KALRN: variants seen among roughly 807,000 people sequenced by gnomAD.
The protein encoded by KALRN is kalirin RhoGEF kinase.
A neutral mutation model predicts 353.7 loss-of-function variants in KALRN; 70 were observed. The ratio of observed to expected loss-of-function variants is 0.20; its 90% CI spans 0.16 to 0.24. KALRN has a LOEUF of 0.24. Ranked by LOEUF, KALRN falls within the 10% of genes least tolerant of loss-of-function variation. The pLI, the probability that KALRN is intolerant of heterozygous loss-of-function variation, is 1.00. For missense variants in KALRN, 2,791 were observed against 3,756.7 expected (o/e 0.74, Z 6.72); for synonymous variants, 1,391 against 1,434.8 (o/e 0.97, Z 0.69).
chr3:124,696,448 TAG>T (rs1172990804), intron 54 of KALRN, among the ~76,000 whole-genome samples, 193 bp downstream of exon 54: 1 of 152,212 alleles, frequency 6.6e-6, no homozygotes, highest in Non-Finnish European at 1.5e-5. Context: ...GCATTTTTTG[TAG>T]AGATGGGATT....
intron 1 of KALRN, among the ~76,000 whole-genome samples, chr3:124,206,608 G>A (rs575464940): frequency 6.6e-6 from 1 of 152,250 alleles, no homozygotes; most frequent in South Asian, 2.1e-4. Context: ...GGTTTTCTGG[G>A]TAGTGTTGCA....
At chr3:124,443,176 T>C (rs1484709539) in intron 19 of KALRN, among the ~76,000 whole-genome samples, 2 of 152,222 alleles carry the variant, frequency 1.3e-5, no homozygotes, top group Non-Finnish European at 2.9e-5. Context: ...AAAAATTGCC[T>C]ATTATCTGAC....
At chr3:124,213,981 C>T (rs2077102135) in intron 1 of KALRN, among the ~76,000 whole-genome samples, 1 of 152,106 alleles carries the variant, frequency 6.6e-6, no homozygotes, top group African/African-American at 2.4e-5. Context: ...GAATATTTTA[C>T]AGATATTCTA....
intron 33 of KALRN, among the ~76,000 whole-genome samples, chr3:124,527,053 C>T (rs564270681): frequency 3.1e-4 from 47 of 152,180 alleles, no homozygotes; most frequent in African/African-American, 1.1e-3. Context: ...ATATAAAATG[C>T]TAGATGATGA....
intron 32 of KALRN, among the ~76,000 whole-genome samples, 173 bp downstream of exon 32, chr3:124,493,055 A>G (rs909711762): frequency 3.9e-5 from 6 of 152,200 alleles, no homozygotes; most frequent in Non-Finnish European, 8.8e-5. Flanking sequence ...CACTAGTGTC[A>G]AATTCAGCAG....
intron 49 of KALRN, 29 bp downstream of exon 49, chr3:124,674,643 A>C (rs9845054): frequency 0.038 from 57,903 of 1,514,402 alleles, 2,488 homozygotes; most frequent in African/African-American, 0.21. Flanking sequence ...TCCCCGGGAG[A>C]GGAGTATGAG....
chr3:124,268,823 C>T lies in KALRN; in HGVS notation c.537C>T (p.Asp179=), dbSNP rs1271566444. ...QLTEEFDGSL[D]YNHEEWIELR... ...CGGAGGAGTTTGATGGCTCCCTGGA[C>T]TACAACCATGAGGAGTGGATCGAAC... Residue 179 remains aspartate, a synonymous_variant, in exon 5 of 60, where the codon GAC becomes GAT. Coordinates refer to ENST00000682506, the MANE Select transcript of KALRN (RefSeq NM_001388419.1). 2 of 1,614,166 alleles carry T rather than the reference C, an allele frequency of 1.2e-6. No individual in the cohort carries two copies. The highest frequency in any genetic ancestry group is 1.3e-5 in the African/African-American group (1 of 75,038).
At chr3:124,615,608 T>A (rs2078496177) in intron 34 of KALRN, among the ~76,000 whole-genome samples, 1 of 152,250 alleles carries the variant, frequency 6.6e-6, no homozygotes, top group Admixed American at 6.5e-5. Flanking sequence ...GAATTATTTG[T>A]ACTAGTCGTG....
At chr3:124,223,698 A>C (rs1374145518) in intron 1 of KALRN, among the ~76,000 whole-genome samples, 2 of 152,216 alleles carry the variant, frequency 1.3e-5, no homozygotes, top group African/African-American at 2.4e-5. Context: ...CAAGGCACCC[A>C]GGTGCCCTGG....
chr3:124,355,985 G>T (rs370404353), intron 10 of KALRN, among the ~76,000 whole-genome samples: 1 of 151,838 alleles, frequency 6.6e-6, no homozygotes, highest in East Asian at 1.9e-4. Context: ...AAAGTGCTGG[G>T]ATTACAGGCG....
chr3:124,271,113 G>A (rs1159574008), intron 5 of KALRN, among the ~76,000 whole-genome samples: 1 of 152,198 alleles, frequency 6.6e-6, no homozygotes, highest in Non-Finnish European at 1.5e-5. Flanking sequence ...TTACAGGCGT[G>A]AGCCACCGTG....
At chr3:124,522,653 C>A (rs956212386) in intron 33 of KALRN, among the ~76,000 whole-genome samples, 13 of 152,060 alleles carry the variant, frequency 8.5e-5, no homozygotes, top group African/African-American at 3.1e-4. Flanking sequence ...GTTTGTGGTT[C>A]AATAAGATTT....
At chr3:124,404,408 G>T (rs774984932) in intron 13 of KALRN, among the ~76,000 whole-genome samples, 2 of 151,690 alleles carry the variant, frequency 1.3e-5, no homozygotes. Context: ...TGACTGTCTT[G>T]GTCACTGTCT....
At chr3:124,140,810 A>G (rs2066530621) in intron 1 of KALRN, among the ~76,000 whole-genome samples, 1 of 152,134 alleles carries the variant, frequency 6.6e-6, no homozygotes, top group Non-Finnish European at 1.5e-5. Flanking sequence ...GGGCACAGGG[A>G]GTAGGGGAGG....
chr3:124,657,610 C>T lies in KALRN; in HGVS notation c.5966+59C>T, dbSNP rs545251108. On this transcript the variant is annotated intron_variant, in intron 40 of 59. Transcript: ENST00000682506. Reference sequence around the variant, plus strand: ...CCTGGGAATCCAGGACTTGAGTCCTCTTCCTGCATCTGACTCAAGGAGTAG... The same window carrying T: ...CCTGGGAATCCAGGACTTGAGTCCTTTTCCTGCATCTGACTCAAGGAGTAG... 416 of 1,420,820 alleles carry T rather than the reference C, an allele frequency of 2.9e-4. 2 individuals carry two copies. Among genetic ancestry groups the T allele is most frequent in the South Asian group, 1.7e-3 (150 of 86,710 alleles). The allele number at this position is 1,420,820 out of a possible 1,614,324, so 88.0% of individuals were successfully genotyped here.
intron 37 of KALRN, among the ~76,000 whole-genome samples, chr3:124,646,104 G>A (rs530923097): frequency 6.6e-6 from 1 of 152,284 alleles, no homozygotes; most frequent in Non-Finnish European, 1.5e-5. Flanking sequence ...GAGCAACTAA[G>A]AGGTGATTGG....
chr3:124,181,042 C>T (rs1236186697), intron 1 of KALRN, among the ~76,000 whole-genome samples: 1 of 137,184 alleles, frequency 7.3e-6, no homozygotes, highest in Non-Finnish European at 1.5e-5. Context: ...ACCAGCCTGG[C>T]CAACATGGCA....
chr3:124,385,630 C>T (rs915645600), intron 11 of KALRN, among the ~76,000 whole-genome samples: 1 of 152,120 alleles, frequency 6.6e-6, no homozygotes, highest in African/African-American at 2.4e-5. Context: ...GAGATGCCCT[C>T]CACCAAGGAA....
chr3:124,678,344 A>C (rs921155212), intron 50 of KALRN, 31 bp downstream of exon 50: 12 of 1,605,404 alleles, frequency 7.5e-6, no homozygotes, highest in Non-Finnish European at 8.5e-6. Context: ...CTGCGTCCCC[A>C]CCTGTCATCC....
Sources: allele counts gnomAD v4.1 joint callset (sites outside exome capture counted in the v4.1 genomes callset), GRCh38; gene constraint gnomAD v4.1.1; transcripts MANE v1.5; gene names NCBI Gene and HGNC (gene_info 2026-07-23, HGNC 2026-07-21).